Variants in C2CD5 observed in about 807,000 individuals in gnomAD.
C2CD5 encodes the protein C2 domain-containing protein 5.
A neutral mutation model predicts 130.3 loss-of-function variants in C2CD5; 109 were observed. The observed-to-expected ratio is 0.84, with a 90% confidence interval of 0.72 to 0.98. The LOEUF is 0.98. Ranked by LOEUF, C2CD5 falls within the 50% of genes least tolerant of loss-of-function variation. The pLI is 0.00. For synonymous variants in C2CD5, 454 were observed against 429.2 expected (o/e 1.06, Z -0.71); for missense variants, 996 against 1,261.8 (o/e 0.79, Z 3.19).
chr12:22,472,887 C>A, intron 16 of C2CD5, 80 bp from the exon 17 acceptor site: 2 of 795,818 alleles, frequency 2.5e-6, no homozygotes, highest in Non-Finnish European at 4.2e-6. Context: ...TTAATAGAGT[C>A]AAGAAAAGGC....
intron 16 of C2CD5, among the ~76,000 whole-genome samples, chr12:22,474,297 T>C (rs1943513840): frequency 6.6e-6 from 1 of 152,168 alleles, no homozygotes; most frequent in Non-Finnish European, 1.5e-5. Context: ...AAAGTGTTCT[T>C]AGTATCTTTT....
chr12:22,454,426 A>G (rs1939369568), intron 25 of C2CD5, among the ~76,000 whole-genome samples: 1 of 152,172 alleles, frequency 6.6e-6, no homozygotes. Flanking sequence ...AGCCTAAACG[A>G]TAAAACTTAC....
rs1227045354 is a variant in C2CD5, at chr12:22,496,224, T to C, written c.1148-2887A>G. Among the ~76,000 whole-genome samples the C allele has an allele frequency of 7.9e-5, 12 of 152,276 alleles. No homozygotes were observed. In the East Asian group the frequency reaches 2.3e-3, roughly 29 times the overall value. On this transcript the variant is annotated intron_variant, in intron 10 of 26. Coordinates refer to ENST00000446597, the MANE Select transcript of C2CD5 (RefSeq NM_001286176.2). The stretch of plus-strand genomic sequence containing the variant: ...GCAGTAATTATGATTCAGCCTATCC[T>C]ATTACCAATAAAAATTCAGAGATAT...
intron 2 of C2CD5, among the ~76,000 whole-genome samples, chr12:22,537,122 C>T (rs1951890664): frequency 1.3e-5 from 2 of 152,166 alleles, no homozygotes; most frequent in South Asian, 2.1e-4. Flanking sequence ...AAGTTTAGAG[C>T]ACTCTACAGT....
At chr12:22,514,830 T>C in intron 8 of C2CD5, 1 of 221,608 alleles carries the variant, frequency 4.5e-6, no homozygotes, top group Non-Finnish European at 7.6e-6. Flanking sequence ...TATATCCTTA[T>C]AATTCCAATT....
rs1320897280 is a variant in C2CD5 at position 22,539,868 on chromosome 12, G to C, written c.90+4193C>G. 4.6e-5 allele frequency among the ~76,000 whole-genome samples: 7 copies of C among 151,876 alleles called. No individual in the cohort carries two copies. The East Asian group carries it at 1.4e-3, about 29-fold the overall frequency. On this transcript the variant is annotated intron_variant, in intron 2 of 26. Coordinates refer to ENST00000446597, the MANE Select transcript of C2CD5 (RefSeq NM_001286176.2). The stretch of plus-strand genomic sequence containing the variant: ...AATTAGCCAGGCATGGTGGTGCACT[G>C]GTAGTCCCAGCTACTCAGGAGGCTG...
chr12:22,470,022 AAT>A (rs373323816), intron 21 of C2CD5, among the ~76,000 whole-genome samples: 28 of 152,234 alleles, frequency 1.8e-4, no homozygotes, highest in African/African-American at 6.0e-4. Flanking sequence ...TTAAGAGATT[AAT>A]ATCTGTAACT....
chr12:22,505,972 T>TTCCACCAATGACAGAGTGGAATCC (rs1555195439), intron 10 of C2CD5, among the ~76,000 whole-genome samples: 2 of 151,966 alleles, frequency 1.3e-5, no homozygotes, highest in Non-Finnish European at 2.9e-5. Context: ...AGTGCTGGGA[T>TTCCACCAATGACAGAGTGGAATCC]CTGGGTTCTG....
chr12:22,478,674 C>T (rs767489678), intron 14 of C2CD5, among the ~76,000 whole-genome samples, 197 bp from the exon 15 acceptor site: 16 of 152,046 alleles, frequency 1.1e-4, no homozygotes, highest in South Asian at 6.2e-4. Flanking sequence ...GGTGAAACCC[C>T]GTCTCTCCTA....
chr12:22,493,645 T>A (rs1946646117), intron 10 of C2CD5, among the ~76,000 whole-genome samples: 1 of 152,100 alleles, frequency 6.6e-6, no homozygotes, highest in Non-Finnish European at 1.5e-5. Context: ...TAGCTATGAT[T>A]AGAATTTTAG....
chr12:22,477,984 G>C (rs1244574558), intron 15 of C2CD5: 2 of 265,290 alleles, frequency 7.5e-6, no homozygotes, highest in Non-Finnish European at 1.5e-5. Context: ...AGTACTAACA[G>C]GCAAAAGACC....
rs1938139636 is a variant in C2CD5 at position 22,449,864 on chromosome 12, C to CA, written c.3051dup (p.Asp1018Ter). On this transcript the variant is annotated frameshift_variant, in exon 27 of 27. Transcript: ENST00000446597. LOFTEE classifies it high-confidence loss of function. ...GATTCACGAACAAAAACCACTGCAT[C>CA]ACCACTTACATTTATAAGACACTGT... The CA allele has an allele frequency of 6.2e-7, 1 of 1,609,782 alleles. No homozygotes were observed.
chr12:22,469,918 T>C (rs112136054), intron 21 of C2CD5, 123 bp from the exon 22 acceptor site: 13,093 of 548,780 alleles, frequency 0.024, 240 homozygotes, highest in Middle Eastern at 0.039. Context: ...CAATTTATTC[T>C]GGTCATTTTC....
intron 9 of C2CD5, among the ~76,000 whole-genome samples, chr12:22,511,805 T>C (rs1949227807): frequency 6.6e-6 from 1 of 152,160 alleles, no homozygotes; most frequent in African/African-American, 2.4e-5. Context: ...TATATCGAAT[T>C]TCAAGGGAAC....
intron 3 of C2CD5, among the ~76,000 whole-genome samples, chr12:22,532,718 C>T (rs781552409): frequency 7.2e-5 from 11 of 152,198 alleles, no homozygotes; most frequent in Non-Finnish European, 1.5e-4. Flanking sequence ...GGTTCCCCAG[C>T]ATGATCAAAG....
At position 22,493,204 on chromosome 12, in the gene C2CD5, A is replaced by T. The variant is rs746398645; in HGVS notation, c.1262+19T>A. On this transcript the variant is annotated intron_variant, in intron 11 of 26. Transcript: ENST00000446597. The stretch of plus-strand genomic sequence containing the variant: ...GTCTAAATTAGTGTCTGGAAAATCA[A>T]GTTGTTATTATCATTTACCAGATGC... 2 of 1,349,522 alleles carry T rather than the reference A, an allele frequency of 1.5e-6. No individual in the cohort carries two copies. The highest frequency in any genetic ancestry group is 2.1e-6 in the Non-Finnish European group (2 of 957,862). 83.6% of individuals were successfully genotyped at this position (1,349,522 alleles called of 1,614,324 possible). A position where few individuals can be genotyped will look rare whatever the true frequency, so the allele number is the denominator to read the frequency against.
At chr12:22,485,796 A>T (rs1415035439) in intron 12 of C2CD5, among the ~76,000 whole-genome samples, 2 of 152,152 alleles carry the variant, frequency 1.3e-5, no homozygotes, top group African/African-American at 4.8e-5. Context: ...AAGGCATAAA[A>T]ATAAAAGTAT....
In C2CD5 at chr12:22,471,442, T is replaced by C. The variant is rs746317210; in HGVS notation, c.2315A>G (p.His772Arg). ...LRSMIPCCLCHVNFTVSLPED... is the reference protein window; with the variant it reads ...LRSMIPCCLCRVNFTVSLPED... ...AGGCAGAGATACTGTAAAATTTACA[T>C]GGCAAAGGCAGCAGGGGATCATAGA... The change falls in exon 20 of 27, where the codon CAT (histidine) becomes CGT (arginine). Residue 772 changes from histidine to arginine, a missense_variant. This residue lies in a region of C2CD5 where 590 missense variants were observed against 631.4 expected (regional missense o/e 0.93). Coordinates refer to ENST00000446597, the MANE Select transcript of C2CD5 (RefSeq NM_001286176.2). The C allele has an allele frequency of 8.1e-6, 13 of 1,600,668 alleles. No homozygotes were observed. Among genetic ancestry groups the C allele is most frequent in the South Asian group, 1.1e-5 (1 of 90,336 alleles).
At position 22,506,833 on chromosome 12, in the gene C2CD5, T is replaced by C. The variant is rs200069431; in HGVS notation, c.1039-14A>G. 22 of 1,466,650 alleles carry C rather than the reference T, an allele frequency of 1.5e-5. No homozygotes were observed. The East Asian group carries it at 4.8e-4, about 32-fold the overall frequency. 90.9% of individuals were successfully genotyped at this position (1,466,650 alleles called of 1,614,324 possible). A position where few individuals can be genotyped will look rare whatever the true frequency, so the allele number is the denominator to read the frequency against. On this transcript the variant is annotated splice_polypyrimidine_tract_variant and intron_variant, in intron 9 of 26. Coordinates refer to ENST00000446597, the MANE Select transcript of C2CD5 (RefSeq NM_001286176.2). The stretch of plus-strand genomic sequence containing the variant: ...AAATGGAAATTCCTAGTGGAAAGAA[T>C]AAGGGAAAAATACAACTTATCGTGT...
Sources: allele counts gnomAD v4.1 joint callset (sites outside exome capture counted in the v4.1 genomes callset), GRCh38; gene constraint gnomAD v4.1.1; regional missense constraint gnomAD v4.1.1; transcripts MANE v1.5; gene names NCBI Gene and HGNC (gene_info 2026-07-23, HGNC 2026-07-21).